EPB41L4B: variants seen among roughly 807,000 people sequenced by gnomAD.
EPB41L4B encodes the protein erythrocyte membrane protein band 4.1 like 4B, also known as band 4.1-like protein 4B.
Under a neutral mutation model 112.5 loss-of-function variants are expected in EPB41L4B, and 30 were observed. The observed-to-expected ratio is 0.27, with a 90% CI of 0.20 to 0.36. The LOEUF (loss-of-function observed/expected upper bound fraction) is 0.36. Among genes scored for constraint, EPB41L4B ranks in the 10% least tolerant of loss-of-function variants. The probability of loss-of-function intolerance (pLI) is 1.00; values close to 1 mark genes in which losing one functional copy is unlikely to be tolerated. For synonymous variants in EPB41L4B, 408 were observed against 439.7 expected (o/e 0.93, Z 0.90); for missense variants, 1,024 against 1,133.3 (o/e 0.90, Z 1.38).
intron 1 of EPB41L4B, among the ~76,000 whole-genome samples, chr9:109,294,294 G>T (rs975831730): frequency 3.7e-5 from 5 of 136,698 alleles, no homozygotes; most frequent in Non-Finnish European, 6.2e-5. Flanking sequence ...GAGAGAGAGT[G>T]AGACTCCGTC....
intron 1 of EPB41L4B, among the ~76,000 whole-genome samples, chr9:109,317,226 C>T (rs989755646): frequency 2.0e-5 from 3 of 152,176 alleles, no homozygotes; most frequent in East Asian, 1.9e-4. Context: ...TTATTATATA[C>T]AACAACTGGC....
intron 1 of EPB41L4B, among the ~76,000 whole-genome samples, chr9:109,296,356 T>G (rs1009765238): frequency 1.2e-4 from 19 of 152,270 alleles, no homozygotes; most frequent in African/African-American, 4.6e-4. Context: ...TAATACACCT[T>G]ATGATGCAGT....
chr9:109,274,402 A>AT (rs1835737050), intron 2 of EPB41L4B, among the ~76,000 whole-genome samples: 1 of 151,956 alleles, frequency 6.6e-6, no homozygotes, highest in South Asian at 2.1e-4. Context: ...TTTCTCTTGG[A>AT]TATCTTGTTC....
intron 1 of EPB41L4B, among the ~76,000 whole-genome samples, chr9:109,294,614 C>T (rs953008311): frequency 6.6e-6 from 1 of 151,740 alleles, no homozygotes; most frequent in Non-Finnish European, 1.5e-5. Context: ...ACAGAGACCC[C>T]GTACCCCCTC....
intron 13 of EPB41L4B, among the ~76,000 whole-genome samples, chr9:109,250,625 C>A (rs890597087): frequency 2.6e-5 from 4 of 152,182 alleles, no homozygotes; most frequent in African/African-American, 9.6e-5. Context: ...ATATGCCGGG[C>A]AGACTCACCT....
Position 109,311,673 on chromosome 9 carries a change from A to T in EPB41L4B, c.306+8468T>A, listed in dbSNP as rs185986145. Among the ~76,000 whole-genome samples, 9 of 152,356 alleles carry T rather than the reference A, an allele frequency of 5.9e-5. 1 individual carries two copies. In the East Asian group the frequency reaches 1.7e-3, roughly 29 times the overall value. On this transcript the variant is annotated intron_variant, in intron 1 of 25. Coordinates refer to ENST00000374566, the MANE Select transcript of EPB41L4B (RefSeq NM_019114.5). ...TGCTGAAAGGCAAAGTGGTTCAGAA[A>T]AGACAGGGGATTTTACTGCATGAAA...
At chr9:109,219,421 C>T (rs1160593764) in intron 15 of EPB41L4B, among the ~76,000 whole-genome samples, 2 of 152,106 alleles carry the variant, frequency 1.3e-5, no homozygotes, top group African/African-American at 2.4e-5. Flanking sequence ...AGTGCAGTGG[C>T]GCGATCTCAG....
At chr9:109,211,196 C>T (rs1020620069) in intron 17 of EPB41L4B, among the ~76,000 whole-genome samples, 15 of 152,008 alleles carry the variant, frequency 9.9e-5, no homozygotes, top group African/African-American at 3.1e-4. Context: ...CCTTAAAAGC[C>T]ATCCAAGCCA....
chr9:109,247,147 T>C (rs1167640924), intron 14 of EPB41L4B, among the ~76,000 whole-genome samples: 3 of 150,652 alleles, frequency 2.0e-5, no homozygotes, highest in African/African-American at 7.3e-5. Context: ...ACTACAGATG[T>C]ACACCACCGT....
chr9:109,253,412 A>G, intron 12 of EPB41L4B, 29 bp downstream of exon 12: 1 of 1,523,766 alleles, frequency 6.6e-7, no homozygotes, highest in Non-Finnish European at 9.1e-7. Context: ...ATAATGTAAA[A>G]TTCCAAGAAA....
At chr9:109,190,668 C>T (rs57652235) in intron 22 of EPB41L4B, among the ~76,000 whole-genome samples, 1 of 152,202 alleles carries the variant, frequency 6.6e-6, no homozygotes, top group Non-Finnish European at 1.5e-5. Context: ...CTGGATTGGG[C>T]CATCTGCCAC....
intron 15 of EPB41L4B, among the ~76,000 whole-genome samples, chr9:109,233,480 T>C (rs1412621566): frequency 6.6e-6 from 1 of 152,002 alleles, no homozygotes; most frequent in Non-Finnish European, 1.5e-5. Flanking sequence ...CTTTTTCAGT[T>C]CTGCAGGGCA....
At chr9:109,236,586 C>T (rs946645821) in intron 15 of EPB41L4B, among the ~76,000 whole-genome samples, 8 of 152,162 alleles carry the variant, frequency 5.3e-5, no homozygotes, top group African/African-American at 1.7e-4. Context: ...TGGGTCTTAC[C>T]ACTGACCATT....
At chr9:109,288,136 G>T (rs1409416190) in intron 1 of EPB41L4B, among the ~76,000 whole-genome samples, 1 of 152,244 alleles carries the variant, frequency 6.6e-6, no homozygotes. Flanking sequence ...CTCAGGAATG[G>T]GACTAGTGCC....
At chr9:109,268,264 AC>A in intron 3 of EPB41L4B, 126 bp downstream of exon 3, 1 of 845,680 alleles carries the variant, frequency 1.2e-6, no homozygotes, top group Non-Finnish European at 1.8e-6. Context: ...AAAATCATCC[AC>A]TTAATACCGA....
intron 22 of EPB41L4B, among the ~76,000 whole-genome samples, chr9:109,189,313 G>A (rs1250798772): frequency 6.6e-6 from 1 of 152,246 alleles, no homozygotes; most frequent in African/African-American, 2.4e-5. Context: ...TTGGGAAAAG[G>A]AGGGGGAAGA....
At position 109,212,421 on chromosome 9, in the gene EPB41L4B, T is replaced by C. The variant is rs145827949; in HGVS notation, c.1752+1279A>G. On this transcript the variant is annotated intron_variant, in intron 17 of 25. Coordinates refer to ENST00000374566, the MANE Select transcript of EPB41L4B (RefSeq NM_019114.5). ...GTTGATTGAATGGCTATCAGAGCCA[T>C]CCTGCAGGAGGAATTCTCTCTAGCT... Among the ~76,000 whole-genome samples, 106 of 152,222 alleles carry C rather than the reference T, an allele frequency of 7.0e-4. 1 individual carries two copies. In the South Asian group the frequency reaches 0.012, roughly 18 times the overall value.
intron 25 of EPB41L4B, among the ~76,000 whole-genome samples, chr9:109,174,956 A>G (rs1831764358): frequency 8.2e-6 from 1 of 122,264 alleles, no homozygotes; most frequent in Non-Finnish European, 1.6e-5. Context: ...TCACTCTGTC[A>G]CCCAGGCTGG....
intron 17 of EPB41L4B, among the ~76,000 whole-genome samples, chr9:109,210,710 T>G (rs1833135836): frequency 6.6e-6 from 1 of 152,194 alleles, no homozygotes; most frequent in African/African-American, 2.4e-5. Context: ...TCATATGAAT[T>G]TGTATAAAAG....
Sources: allele counts gnomAD v4.1 joint callset (sites outside exome capture counted in the v4.1 genomes callset), GRCh38; gene constraint gnomAD v4.1.1; transcripts MANE v1.5; gene names NCBI Gene and HGNC (gene_info 2026-07-23, HGNC 2026-07-21).